The following MAP3K9 variants were observed in gnomAD, a reference collection of about 807,000 sequenced individuals.
MAP3K9 encodes mitogen-activated protein kinase kinase kinase 9.
Under a neutral mutation model 95.8 loss-of-function variants are expected in MAP3K9, and 46 were observed. The observed-to-expected ratio is 0.48, with a 90% confidence interval of 0.38 to 0.61. MAP3K9 has a LOEUF of 0.61. MAP3K9 is among the 20% of genes least tolerant of loss of function. MAP3K9 has a pLI of 0.00. For synonymous variants in MAP3K9, 533 were observed against 593.8 expected (o/e 0.90, Z 1.49); for missense variants, 1,296 against 1,474.3 (o/e 0.88, Z 1.98).
At chr14:70,806,037 C>T (rs1209586893) in intron 1 of MAP3K9, among the ~76,000 whole-genome samples, 1 of 152,192 alleles carries the variant, frequency 6.6e-6, no homozygotes, top group East Asian at 1.9e-4. Flanking sequence ...GACTTAATGT[C>T]TTCTATTCAT....
At chr14:70,775,661 A>G (rs1302579544) in intron 2 of MAP3K9, among the ~76,000 whole-genome samples, 4 of 152,230 alleles carry the variant, frequency 2.6e-5, no homozygotes, top group African/African-American at 9.6e-5. Flanking sequence ...GCTAATGGCT[A>G]CTTCTCACTG....
intron 2 of MAP3K9, among the ~76,000 whole-genome samples, chr14:70,778,082 GTTGT>G (rs2054623032): frequency 7.3e-6 from 1 of 137,842 alleles, no homozygotes; most frequent in Non-Finnish European, 1.6e-5. Flanking sequence ...TTTGTTTTTT[GTTGT>G]TTGTTGTTGT....
rs544681730 is a variant in MAP3K9, at chr14:70,753,915, T to A, written c.1002-3834A>T. On this transcript the variant is annotated intron_variant, in intron 3 of 11. Transcript: ENST00000554752. ...AGGCACAGCAACTCCATGCCTGTGC[T>A]GGGCCAGAGCTCTATTTTGTAGTAA... is the stretch of plus-strand genomic sequence containing the variant. 1.8e-4 allele frequency among the ~76,000 whole-genome samples: 27 copies of A among 152,296 alleles called. No individual in the cohort carries two copies. The South Asian group carries it at 3.7e-3, about 21-fold the overall frequency.
chr14:70,807,711 T>C (rs1265382660), intron 1 of MAP3K9, among the ~76,000 whole-genome samples: 3 of 152,196 alleles, frequency 2.0e-5, no homozygotes, highest in African/African-American at 7.2e-5. Context: ...GATAAGAGAT[T>C]ATGGAAACTC....
rs151272576 is a variant in MAP3K9 at position 70,744,839 on chromosome 14, A to G, written c.1327-2248T>C. On this transcript the variant is annotated intron_variant, in intron 5 of 11. Transcript: ENST00000554752. ...AAGCTAGAGGGTGGAACTGGGACAA[A>G]GTCCCATTTGGAATTGCATCTTGTG... 2.8e-4 allele frequency among the ~76,000 whole-genome samples: 43 copies of G among 152,322 alleles called. 1 individual carries two copies. The East Asian group carries it at 7.9e-3, about 28-fold the overall frequency.
intron 2 of MAP3K9, among the ~76,000 whole-genome samples, chr14:70,766,413 C>G (rs1002000920): frequency 1.1e-4 from 16 of 152,142 alleles, no homozygotes; most frequent in African/African-American, 3.9e-4. Flanking sequence ...GTATCCTGTA[C>G]ATAAATGGAA....
chr14:70,762,506 C>T (rs1594786820), intron 2 of MAP3K9, among the ~76,000 whole-genome samples: 1 of 152,136 alleles, frequency 6.6e-6, no homozygotes, highest in African/African-American at 2.4e-5. Context: ...TGATATTGAA[C>T]ATCTATCTTC....
rs563787049 is a variant in MAP3K9 at position 70,803,349 on chromosome 14, A to C, written c.407-2269T>G. On this transcript the variant is annotated intron_variant, in intron 1 of 11. Coordinates refer to ENST00000554752, the MANE Select transcript of MAP3K9 (RefSeq NM_001284230.2). ...CAAATTCAGATCTTAAAAAAAAAAAAAAAAAAAAAAAAACTGAACTGGAAC... is the reference window on the plus strand; with the variant it reads ...CAAATTCAGATCTTAAAAAAAAAAACAAAAAAAAAAAAACTGAACTGGAAC... 2.4e-4 allele frequency among the ~76,000 whole-genome samples: 37 copies of C among 151,432 alleles called. 2 individuals carry two copies. The East Asian group carries it at 7.2e-3, about 29-fold the overall frequency.
At chr14:70,748,248 A>C (rs1326458749) in intron 5 of MAP3K9, among the ~76,000 whole-genome samples, 1 of 152,198 alleles carries the variant, frequency 6.6e-6, no homozygotes, top group African/African-American at 2.4e-5. Context: ...GTGTACACTG[A>C]CTGCTAGGGA....
At chr14:70,747,051 T>G (rs1352457977) in intron 5 of MAP3K9, among the ~76,000 whole-genome samples, 1 of 152,252 alleles carries the variant, frequency 6.6e-6, no homozygotes, top group Admixed American at 6.5e-5. Context: ...GAATGCTCAT[T>G]GACTTGGCAA....
At chr14:70,751,404 T>G (rs61990472) in intron 3 of MAP3K9, among the ~76,000 whole-genome samples, 34,522 of 152,170 alleles carry the variant, frequency 0.23, 4,223 homozygotes, top group South Asian at 0.38. Flanking sequence ...AAAGGTCATA[T>G]TAATTTAAAA....
rs1200241063 is a variant in MAP3K9, at chr14:70,728,984, C to A, written c.*1396G>T. ...CCTCAGAGTAGTGGCATGGAGAAGACATACACGAGAAAGCTTTAGAGGAAG... is the reference window on the plus strand; with the variant it reads ...CCTCAGAGTAGTGGCATGGAGAAGAAATACACGAGAAAGCTTTAGAGGAAG... On this transcript the variant is annotated 3_prime_UTR_variant, in exon 12 of 12. Transcript: ENST00000554752. 6.6e-6 allele frequency: 1 copy of A among 152,240 alleles called. No individual in the cohort carries two copies. Among genetic ancestry groups the A allele is most frequent in the African/African-American group, 2.4e-5 (1 of 41,442 alleles). 9.4% of individuals were successfully genotyped at this position (152,240 alleles called of 1,614,324 possible). A position where few individuals can be genotyped will look rare whatever the true frequency, so the allele number is the denominator to read the frequency against.
rs1337905566 is a variant in MAP3K9 at position 70,729,253 on chromosome 14, G to A, written c.*1127C>T. The A allele has an allele frequency of 6.6e-6, 1 of 152,148 alleles. No individual in the cohort carries two copies. Among genetic ancestry groups the A allele is most frequent in the Non-Finnish European group, 1.5e-5 (1 of 68,040 alleles). The allele number at this position is 152,148 out of a possible 1,614,324, so 9.4% of individuals were successfully genotyped here. A position where few individuals can be genotyped will look rare whatever the true frequency, so the allele number is the denominator to read the frequency against. The stretch of plus-strand genomic sequence containing the variant: ...CCTGCTGGCTCCATTTTACTTCAAG[G>A]GCATCACAACATGGATGGCCCAGTT... On this transcript the variant is annotated 3_prime_UTR_variant, in exon 12 of 12. Coordinates refer to ENST00000554752, the MANE Select transcript of MAP3K9 (RefSeq NM_001284230.2).
intron 2 of MAP3K9, among the ~76,000 whole-genome samples, chr14:70,766,540 C>T (rs190803626): frequency 4.3e-4 from 66 of 152,328 alleles, no homozygotes; most frequent in African/African-American, 1.5e-3. Context: ...TTAATAATGA[C>T]ACCTACTCAT....
chr14:70,753,535 T>C (rs2054258662), intron 3 of MAP3K9, among the ~76,000 whole-genome samples: 2 of 152,092 alleles, frequency 1.3e-5, no homozygotes, highest in South Asian at 4.1e-4. Context: ...GCAGTAGAAG[T>C]TGATGTGATT....
intron 6 of MAP3K9, 89 bp from the exon 7 acceptor site, chr14:70,740,253 A>G: frequency 7.1e-7 from 1 of 1,401,226 alleles, no homozygotes; most frequent in Non-Finnish European, 9.7e-7. Flanking sequence ...AGCATCCTTG[A>G]GGGACAGGCC....
intron 2 of MAP3K9, among the ~76,000 whole-genome samples, chr14:70,772,909 G>A (rs1406803971): frequency 6.6e-6 from 1 of 152,130 alleles, no homozygotes; most frequent in African/African-American, 2.4e-5. Context: ...AAGAGACGAA[G>A]CCAGGACATT....
At chr14:70,778,630 T>C (rs1390062940) in intron 2 of MAP3K9, among the ~76,000 whole-genome samples, 1 of 152,216 alleles carries the variant, frequency 6.6e-6, no homozygotes, top group Non-Finnish European at 1.5e-5. Flanking sequence ...GTCATCATCA[T>C]TGCTAGCATT....
rs564077066 is a variant in MAP3K9, at chr14:70,774,461, G to C, written c.821-13279C>G. ...CGGGTGGATCACCTGAGGTGAGTTCGAGACCAGCCTGGCCAACATGGTGAA... is the reference window on the plus strand; with the variant it reads ...CGGGTGGATCACCTGAGGTGAGTTCCAGACCAGCCTGGCCAACATGGTGAA... On this transcript the variant is annotated intron_variant, in intron 2 of 11. Transcript: ENST00000554752. Among the ~76,000 whole-genome samples the C allele has an allele frequency of 2.7e-5, 4 of 148,308 alleles. No homozygotes were observed. In the South Asian group the frequency reaches 8.7e-4, roughly 32 times the overall value.
Sources: gnomAD v4.1 joint callset for allele counts (sites outside exome capture counted in the v4.1 genomes callset) on GRCh38, gnomAD v4.1.1 for gene constraint, MANE v1.5 for transcripts, NCBI Gene and HGNC (gene_info 2026-07-23, HGNC 2026-07-21) for gene names.